Variants in KLHL29 observed in about 807,000 individuals in gnomAD.
KLHL29 encodes the protein kelch-like protein 29.
A neutral mutation model predicts 80.4 loss-of-function variants in KLHL29; 21 were observed. That is an observed-to-expected ratio of 0.26 (90% CI 0.19 to 0.38). The LOEUF (loss-of-function observed/expected upper bound fraction) is 0.38, where lower values mean the gene tolerates loss of function less well. Ranked by LOEUF, KLHL29 falls within the 10% of genes least tolerant of loss-of-function variation. The probability of loss-of-function intolerance (pLI) is 1.00; values close to 1 mark genes in which losing one functional copy is unlikely to be tolerated. For synonymous variants in KLHL29, 511 were observed against 526.8 expected, an observed-to-expected ratio of 0.97 and a Z score of 0.41; for missense variants, 867 against 1,223.9, an observed-to-expected ratio of 0.71 and a Z score of 4.35.
intron 2 of KLHL29, among the ~76,000 whole-genome samples, chr2:23,517,793 G>C (rs529518465): frequency 4.6e-5 from 7 of 152,318 alleles, no homozygotes; most frequent in African/African-American, 1.4e-4. Flanking sequence ...GTAGAAAACT[G>C]GCTGGGCCCA....
At chr2:23,460,773 A>G (rs1270647118) in intron 1 of KLHL29, among the ~76,000 whole-genome samples, 29 of 139,518 alleles carry the variant, frequency 2.1e-4, no homozygotes, top group South Asian at 7.1e-4. Flanking sequence ...CATCGTGCAA[A>G]CTCAGGAGCT....
intron 3 of KLHL29, among the ~76,000 whole-genome samples, chr2:23,572,661 G>GA (rs1384098777): frequency 6.6e-6 from 1 of 151,718 alleles, no homozygotes; most frequent in African/African-American, 2.4e-5. Flanking sequence ...CCTACTACCT[G>GA]AGAGAAGATA....
intron 1 of KLHL29, among the ~76,000 whole-genome samples, chr2:23,465,018 C>G (rs1327092101): frequency 6.6e-6 from 1 of 152,184 alleles, no homozygotes; most frequent in Non-Finnish European, 1.5e-5. Context: ...TGCTTGCAGA[C>G]AGATCGCTTA....
chr2:23,543,131 C>G (rs1202575813), intron 2 of KLHL29, among the ~76,000 whole-genome samples: 1 of 152,160 alleles, frequency 6.6e-6, no homozygotes, highest in African/African-American at 2.4e-5. Flanking sequence ...TGCGCCTCAT[C>G]CTCCTCTGCA....
At chr2:23,393,363 G>A (rs1169143779) in intron 1 of KLHL29, among the ~76,000 whole-genome samples, 1 of 152,196 alleles carries the variant, frequency 6.6e-6, no homozygotes, top group African/African-American at 2.4e-5. Flanking sequence ...GAATCTTCTA[G>A]GATTTATGAT....
At position 23,482,670 on chromosome 2, in the gene KLHL29, TTA is replaced by T. The variant is rs1214327345; in HGVS notation, c.-46+7004_-46+7005del. On this transcript the variant is annotated intron_variant, in intron 2 of 13. Coordinates refer to ENST00000486442, the MANE Select transcript of KLHL29 (RefSeq NM_052920.2). ...ACTCAGAGGCCACTCAGAAAGACTT[TTA>T]AGCTTTTGTTTTCTAATCATAAATT... 2.6e-5 allele frequency among the ~76,000 whole-genome samples: 4 copies of T among 152,220 alleles called. No individual in the cohort carries two copies. In the East Asian group the frequency reaches 7.7e-4, roughly 29 times the overall value.
At chr2:23,426,543 G>T (rs2103405546) in intron 1 of KLHL29, among the ~76,000 whole-genome samples, 1 of 152,364 alleles carries the variant, frequency 6.6e-6, no homozygotes, top group Admixed American at 6.5e-5. Context: ...TTTCAGGCAT[G>T]TAAAGAAGCA....
intron 3 of KLHL29, among the ~76,000 whole-genome samples, chr2:23,570,769 A>G (rs1022703055): frequency 9.2e-5 from 14 of 152,198 alleles, no homozygotes; most frequent in African/African-American, 2.7e-4. Context: ...GGGTGTCCCA[A>G]TTGCTCATGC....
chr2:23,413,078 C>T (rs6544822), intron 1 of KLHL29, among the ~76,000 whole-genome samples: 99,960 of 151,992 alleles, frequency 0.66, 33,276 homozygotes, highest in South Asian at 0.8. Flanking sequence ...CTATTTCATC[C>T]GGTGGAAAGG....
intron 3 of KLHL29, among the ~76,000 whole-genome samples, chr2:23,609,969 C>T (rs563693046): frequency 3.3e-5 from 5 of 152,212 alleles, no homozygotes; most frequent in East Asian, 1.9e-4. Context: ...CATGGGGGTA[C>T]GGGAGGTCCA....
At chr2:23,450,099 A>G (rs946643794) in intron 1 of KLHL29, among the ~76,000 whole-genome samples, 2 of 152,172 alleles carry the variant, frequency 1.3e-5, no homozygotes, top group Non-Finnish European at 2.9e-5. Flanking sequence ...CATGTCCTCA[A>G]TGTGACAAAT....
intron 2 of KLHL29, among the ~76,000 whole-genome samples, chr2:23,541,891 G>T (rs756914197): frequency 1.3e-5 from 2 of 152,170 alleles, no homozygotes; most frequent in African/African-American, 2.4e-5. Flanking sequence ...AACAGTAGGT[G>T]TGTCTTCCAT....
chr2:23,633,500 C>CT (rs1382761390), intron 3 of KLHL29, among the ~76,000 whole-genome samples: 1 of 149,088 alleles, frequency 6.7e-6, no homozygotes, highest in Non-Finnish European at 1.5e-5. Flanking sequence ...TTACTTTTTT[C>CT]TTTTTTAGTG....
chr2:23,482,299 T>A (rs747593930), intron 2 of KLHL29, among the ~76,000 whole-genome samples: 1 of 152,234 alleles, frequency 6.6e-6, no homozygotes, highest in African/African-American at 2.4e-5. Context: ...TCAGAGTTTA[T>A]TTTTACGGCA....
At chr2:23,544,381 C>T (rs951968895) in intron 2 of KLHL29, among the ~76,000 whole-genome samples, 5 of 152,226 alleles carry the variant, frequency 3.3e-5, no homozygotes, top group African/African-American at 1.2e-4. Context: ...CCTCCTCTGC[C>T]ACTTTCTAGC....
chr2:23,700,308 A>AATT lies in KLHL29; in HGVS notation c.2106-2877_2106-2875dup. ...GTTGTTTTAACCACAAAAATTTAAC[A>AATT]ATTTTTAATTATTAAAAATTATATA... On this transcript the variant is annotated intron_variant, in intron 11 of 13. Coordinates refer to ENST00000486442, the MANE Select transcript of KLHL29 (RefSeq NM_052920.2). This position sits in a 1 kb window ranked among gnomAD's most constrained non-coding sequence, Gnocchi z 4.6. Among the ~76,000 whole-genome samples, 1 of 152,342 alleles carries AATT rather than the reference A, an allele frequency of 6.6e-6. No individual in the cohort carries two copies. Among genetic ancestry groups the AATT allele is most frequent in the East Asian group, 1.9e-4 (1 of 5,190 alleles).
chr2:23,637,214 A>G (rs1036110907), intron 3 of KLHL29, among the ~76,000 whole-genome samples: 1 of 152,188 alleles, frequency 6.6e-6, no homozygotes, highest in African/African-American at 2.4e-5. Context: ...ATTCCGAGGA[A>G]AGCAATTTCC....
intron 3 of KLHL29, among the ~76,000 whole-genome samples, chr2:23,582,931 C>T (rs1291643482): frequency 6.6e-6 from 1 of 152,144 alleles, no homozygotes; most frequent in Non-Finnish European, 1.5e-5. Flanking sequence ...AAGATGAGAC[C>T]ATCTAGATTG....
At chr2:23,524,764 CTTCA>C (rs986957933) in intron 2 of KLHL29, among the ~76,000 whole-genome samples, 1 of 152,242 alleles carries the variant, frequency 6.6e-6, no homozygotes, top group African/African-American at 2.4e-5. Flanking sequence ...TTCTGAAGGA[CTTCA>C]TGGTGAGCAG....
Sources: allele counts gnomAD v4.1 joint callset (sites outside exome capture counted in the v4.1 genomes callset), GRCh38; gene constraint gnomAD v4.1.1; non-coding constraint Gnocchi (gnomAD v3.1); transcripts MANE v1.5; gene names NCBI Gene and HGNC (gene_info 2026-07-23, HGNC 2026-07-21).